Variants in WDFY4 observed in about 807,000 individuals in gnomAD.
WDFY4 encodes the protein WDFY family member 4, also known as WD repeat- and FYVE domain-containing protein 4.
Under a neutral mutation model 351.9 loss-of-function variants are expected in WDFY4, and 169 were observed. The ratio of observed to expected loss-of-function variants is 0.48; its 90% CI spans 0.42 to 0.55. The LOEUF is 0.55. WDFY4 is among the 20% of genes least tolerant of loss of function. WDFY4 has a pLI of 0.00. For synonymous variants in WDFY4, 1,622 were observed against 1,574.6 expected (o/e 1.03, Z -0.71); for missense variants, 3,803 against 3,935.6 (o/e 0.97, Z 0.90).
intron 47 of WDFY4, among the ~76,000 whole-genome samples, chr10:48,933,020 G>T (rs542992762): frequency 3.3e-5 from 5 of 152,156 alleles, no homozygotes; most frequent in Admixed American, 1.3e-4. Context: ...AACGCTGGCC[G>T]TGGGGAGGCA....
chr10:48,820,606 GCA>G (rs920822423), intron 33 of WDFY4, among the ~76,000 whole-genome samples, 169 bp downstream of exon 33: 4 of 152,238 alleles, frequency 2.6e-5, no homozygotes, highest in South Asian at 2.1e-4. Context: ...AGAGGAGTGA[GCA>G]CAGAGTCCCT....
chr10:48,943,223 C>G, intron 48 of WDFY4, 107 bp from the exon 49 acceptor site: 1 of 1,370,970 alleles, frequency 7.3e-7, no homozygotes, highest in Non-Finnish European at 9.8e-7. Flanking sequence ...GCTGCCTGTC[C>G]TCACCCACAG....
intron 47 of WDFY4, among the ~76,000 whole-genome samples, chr10:48,912,038 A>G (rs983428820): frequency 6.6e-6 from 1 of 152,204 alleles, no homozygotes; most frequent in Non-Finnish European, 1.5e-5. Context: ...CTTGCCAACA[A>G]CATAGGAAAG....
intron 47 of WDFY4, among the ~76,000 whole-genome samples, chr10:48,907,439 G>A (rs765311143): frequency 1.3e-5 from 2 of 152,152 alleles, no homozygotes; most frequent in Admixed American, 6.5e-5. Flanking sequence ...ATTCTTAACT[G>A]TATAAATTCT....
chr10:48,943,618 A>G (rs1428685007), intron 49 of WDFY4, among the ~76,000 whole-genome samples, 169 bp downstream of exon 49: 1 of 150,572 alleles, frequency 6.6e-6, no homozygotes, highest in African/African-American at 2.5e-5. Context: ...TTTGAGATGG[A>G]GTCTTACTTC....
intron 36 of WDFY4, 30 bp downstream of exon 36, chr10:48,826,939 GCTGGTGGTCCA>G (rs2068028762): frequency 1.3e-6 from 2 of 1,513,914 alleles, no homozygotes; most frequent in African/African-American, 3.1e-5. Flanking sequence ...TTCCTTGTCT[GCTGGTGGTCCA>G]TGCAGAAAGG....
chr10:48,950,271 C>T (rs1298211091), intron 51 of WDFY4, among the ~76,000 whole-genome samples: 1 of 152,170 alleles, frequency 6.6e-6, no homozygotes, highest in African/African-American at 2.4e-5. Flanking sequence ...CTACTCTAAG[C>T]CTCTTATAAG....
intron 39 of WDFY4, among the ~76,000 whole-genome samples, chr10:48,852,555 C>A (rs945886420): frequency 6.6e-6 from 1 of 152,168 alleles, no homozygotes; most frequent in Admixed American, 6.5e-5. Flanking sequence ...TCCATTCTCC[C>A]AAGCATTCAC....
intron 1 of WDFY4, among the ~76,000 whole-genome samples, chr10:48,703,145 A>G (rs1418843978): frequency 3.3e-5 from 5 of 152,216 alleles, no homozygotes; most frequent in Non-Finnish European, 7.3e-5. Context: ...CCCCACCCTG[A>G]ACATGTTTTA....
At chr10:48,819,626 G>A (rs144784582) in intron 32 of WDFY4, among the ~76,000 whole-genome samples, 358 of 152,258 alleles carry the variant, frequency 2.4e-3, no homozygotes, top group Middle Eastern at 0.014. Context: ...CCCCTGTCTC[G>A]TTGATCTCCC....
At chr10:48,910,302 A>G in intron 47 of WDFY4, 1 of 1,575,736 alleles carries the variant, frequency 6.3e-7, no homozygotes, top group Non-Finnish European at 8.7e-7. Context: ...GCTCCAGGCC[A>G]CAGAGGCAAA....
intron 39 of WDFY4, among the ~76,000 whole-genome samples, chr10:48,859,757 A>G (rs1401090031): frequency 1.3e-5 from 2 of 152,188 alleles, no homozygotes; most frequent in African/African-American, 2.4e-5. Flanking sequence ...TATTTTCTAG[A>G]TTATATTTTG....
intron 1 of WDFY4, among the ~76,000 whole-genome samples, chr10:48,699,537 A>G (rs913369095): frequency 6.6e-6 from 1 of 152,124 alleles, no homozygotes; most frequent in Admixed American, 6.5e-5. Flanking sequence ...GAGGTTTTGG[A>G]GGCAGACAGA....
chr10:48,729,427 C>T lies in WDFY4; in HGVS notation c.972-5C>T, dbSNP rs1438669445. ...ACAGGGAGCTGGCCTCATCTGTTCCCCCAGGTATGATGGGCTGACCCAGAG... is the reference window on the plus strand; with the variant it reads ...ACAGGGAGCTGGCCTCATCTGTTCCTCCAGGTATGATGGGCTGACCCAGAG... On this transcript the variant is annotated splice_polypyrimidine_tract_variant and splice_region_variant and intron_variant, in intron 7 of 61. Coordinates refer to ENST00000325239, the MANE Select transcript of WDFY4 (RefSeq NM_001394531.1). 3 of 1,550,522 alleles carry T rather than the reference C, an allele frequency of 1.9e-6. No homozygotes were observed. The highest frequency in any genetic ancestry group is 2.0e-5 in the Admixed American group (1 of 51,000).
intron 43 of WDFY4, among the ~76,000 whole-genome samples, chr10:48,888,567 C>T (rs80242773): frequency 2.0e-5 from 3 of 152,072 alleles, no homozygotes; most frequent in East Asian, 1.9e-4. Context: ...TCTCCCATGG[C>T]TTTCTGTTGC....
intron 5 of WDFY4, among the ~76,000 whole-genome samples, 199 bp downstream of exon 5, chr10:48,723,766 T>G (rs1339796888): frequency 6.6e-6 from 1 of 152,008 alleles, no homozygotes; most frequent in Non-Finnish European, 1.5e-5. Context: ...GCCAAAATTT[T>G]CTAAATATAA....
chr10:48,746,287 A>G (rs1422090413), intron 12 of WDFY4, among the ~76,000 whole-genome samples: 1 of 152,254 alleles, frequency 6.6e-6, no homozygotes, highest in Non-Finnish European at 1.5e-5. Flanking sequence ...TTATATTCTT[A>G]TGGAGTCTAA....
intron 1 of WDFY4, among the ~76,000 whole-genome samples, chr10:48,691,854 A>T (rs1412324418): frequency 6.6e-6 from 1 of 152,210 alleles, no homozygotes; most frequent in African/African-American, 2.4e-5. Flanking sequence ...GCTGTCAGGA[A>T]CCCACTGATC....
At chr10:48,940,876 T>G (rs1840716394) in intron 47 of WDFY4, among the ~76,000 whole-genome samples, 2 of 152,186 alleles carry the variant, frequency 1.3e-5, no homozygotes, top group Admixed American at 6.5e-5. Flanking sequence ...TTTGTTACCC[T>G]TTTTTCCTAC....
Sources: allele counts gnomAD v4.1 joint callset (sites outside exome capture counted in the v4.1 genomes callset), GRCh38; gene constraint gnomAD v4.1.1; transcripts MANE v1.5; gene names NCBI Gene and HGNC (gene_info 2026-07-23, HGNC 2026-07-21).